The following PRR5L variants were observed in gnomAD, a reference collection of about 807,000 sequenced individuals.
PRR5L encodes proline rich 5 like, also known as proline-rich protein 5-like.
In PRR5L, 21 loss-of-function variants were observed where a neutral mutation model predicts 36.4. The ratio of observed to expected loss-of-function variants is 0.58; its 90% CI spans 0.41 to 0.83. The LOEUF (loss-of-function observed/expected upper bound fraction) is 0.83. Ranked by LOEUF, PRR5L falls within the 40% of genes least tolerant of loss-of-function variation. The pLI is 0.00. For missense variants in PRR5L, 381 were observed against 473.3 expected (o/e 0.80, Z 1.81); for synonymous variants, 188 against 197.0 (o/e 0.95, Z 0.38).
intron 1 of PRR5L, among the ~76,000 whole-genome samples, chr11:36,335,652 T>C (rs905439191): frequency 1.2e-4 from 18 of 152,160 alleles, no homozygotes; most frequent in African/African-American, 4.3e-4. Flanking sequence ...AAATTATTCT[T>C]GAGTACGTGG....
chr11:36,403,103 C>G (rs77736961), intron 2 of PRR5L, among the ~76,000 whole-genome samples, 195 bp from the exon 3 acceptor site: 8 of 152,208 alleles, frequency 5.3e-5, no homozygotes, highest in Non-Finnish European at 1.2e-4. Context: ...AAAGCGGGGG[C>G]TGCTTTTGAG....
chr11:36,348,228 C>T (rs1029534274), intron 1 of PRR5L, among the ~76,000 whole-genome samples: 7 of 152,150 alleles, frequency 4.6e-5, no homozygotes, highest in African/African-American at 1.7e-4. Context: ...TAGCCAAAAC[C>T]AAGGTGATAG....
chr11:36,455,612 G>A (rs1266678917), intron 8 of PRR5L, among the ~76,000 whole-genome samples: 1 of 152,214 alleles, frequency 6.6e-6, no homozygotes, highest in African/African-American at 2.4e-5. Context: ...GCCCCAGGGG[G>A]TACCCACAGG....
intron 1 of PRR5L, among the ~76,000 whole-genome samples, chr11:36,391,488 T>C (rs770210351): frequency 4.6e-5 from 7 of 152,210 alleles, no homozygotes; most frequent in Non-Finnish European, 7.3e-5. Flanking sequence ...AGTAACCCTG[T>C]AACTGCCACC....
intron 1 of PRR5L, among the ~76,000 whole-genome samples, chr11:36,312,828 G>A (rs546219993): frequency 6.6e-6 from 1 of 152,372 alleles, no homozygotes; most frequent in East Asian, 1.9e-4. Flanking sequence ...TTGTGGTGAG[G>A]ATTACAGACC....
At chr11:36,440,686 C>T (rs1392963202) in intron 6 of PRR5L, among the ~76,000 whole-genome samples, 2 of 152,028 alleles carry the variant, frequency 1.3e-5, no homozygotes, top group African/African-American at 4.8e-5. Context: ...AAAGGAATAC[C>T]CGAGACTGGG....
chr11:36,338,717 C>G lies in PRR5L; in HGVS notation c.-126+42279C>G, dbSNP rs145287680. 4.5e-4 allele frequency among the ~76,000 whole-genome samples: 68 copies of G among 152,232 alleles called. 1 individual carries two copies. In the East Asian group the frequency reaches 0.012, roughly 28 times the overall value. On this transcript the variant is annotated intron_variant, in intron 1 of 8. Coordinates refer to ENST00000530639, the MANE Select transcript of PRR5L (RefSeq NM_001160167.2). ...ATGTTGGACCACTCCTCAAAATCCT[C>G]ATATTGCCTATGAAATCTGGTTTTT...
intron 1 of PRR5L, chr11:36,376,586 C>A (rs1381187288): frequency 2.0e-6 from 2 of 989,542 alleles, no homozygotes; most frequent in Non-Finnish European, 2.4e-6. Flanking sequence ...CATTTCTCTC[C>A]GGTGAGAAAA....
At chr11:36,380,583 G>A (rs1025540836) in intron 1 of PRR5L, 6 of 152,166 alleles carry the variant, frequency 3.9e-5, no homozygotes, top group Non-Finnish European at 7.3e-5. Flanking sequence ...GAGAAAAAAA[G>A]CAAAGGTTAG....
At chr11:36,456,965 C>T (rs55892321) in intron 8 of PRR5L, among the ~76,000 whole-genome samples, 38,490 of 152,138 alleles carry the variant, frequency 0.25, 4,932 homozygotes, top group Admixed American at 0.29. Context: ...GTGGTCTCCT[C>T]CTCCAGGGCA....
chr11:36,418,137 C>T (rs1271905717), intron 3 of PRR5L, among the ~76,000 whole-genome samples: 1 of 152,210 alleles, frequency 6.6e-6, no homozygotes, highest in Non-Finnish European at 1.5e-5. Flanking sequence ...AAGAAGAGAG[C>T]AGAGACCTTG....
chr11:36,301,569 C>T (rs57935889), intron 1 of PRR5L, among the ~76,000 whole-genome samples: 20,511 of 151,776 alleles, frequency 0.14, 1,600 homozygotes, highest in East Asian at 0.23. Context: ...TGTAGGGGGC[C>T]GAGGACCCTT....
At chr11:36,301,695 C>T (rs924768736) in intron 1 of PRR5L, among the ~76,000 whole-genome samples, 11 of 152,110 alleles carry the variant, frequency 7.2e-5, no homozygotes, top group Admixed American at 7.2e-4. Flanking sequence ...GGGACACCTT[C>T]CATTCCTTAC....
intron 6 of PRR5L, among the ~76,000 whole-genome samples, chr11:36,444,072 C>T (rs1029508022): frequency 3.9e-5 from 6 of 152,160 alleles, no homozygotes; most frequent in South Asian, 2.1e-4. Flanking sequence ...ATATGCCCAA[C>T]GTGGCATGGA....
chr11:36,374,381 C>T (rs1857232038), intron 1 of PRR5L, among the ~76,000 whole-genome samples: 1 of 151,986 alleles, frequency 6.6e-6, no homozygotes, highest in Admixed American at 6.5e-5. Context: ...GCGTGAGCCA[C>T]CACACCCGGC....
intron 1 of PRR5L, among the ~76,000 whole-genome samples, chr11:36,335,718 A>G (rs1476731481): frequency 6.6e-6 from 1 of 152,208 alleles, no homozygotes; most frequent in African/African-American, 2.4e-5. Flanking sequence ...CTTTGACAGG[A>G]TAATTATAGG....
intron 4 of PRR5L, among the ~76,000 whole-genome samples, chr11:36,431,412 C>T (rs956338114): frequency 2.6e-5 from 4 of 152,154 alleles, no homozygotes; most frequent in African/African-American, 9.7e-5. Context: ...TAAGATTTTG[C>T]ACGCAGTCTC....
intron 7 of PRR5L, among the ~76,000 whole-genome samples, chr11:36,447,988 C>T (rs1186568601): frequency 3.9e-5 from 6 of 152,102 alleles, no homozygotes; most frequent in African/African-American, 1.4e-4. Context: ...CCCATCTTCC[C>T]ATATCAGTTT....
intron 8 of PRR5L, among the ~76,000 whole-genome samples, chr11:36,462,040 T>C (rs777545685): frequency 1.2e-4 from 19 of 152,194 alleles, no homozygotes; most frequent in Admixed American, 4.6e-4. Context: ...CCAATGAAGC[T>C]CAGGCAGCAG....
Sources: allele counts gnomAD v4.1 joint callset (sites outside exome capture counted in the v4.1 genomes callset), GRCh38; gene constraint gnomAD v4.1.1; transcripts MANE v1.5; gene names NCBI Gene and HGNC (gene_info 2026-07-23, HGNC 2026-07-21).